Variants in LMAN2 observed in about 807,000 individuals in gnomAD.
The protein encoded by LMAN2 is lectin, mannose binding 2, also known as vesicular integral-membrane protein VIP36.
In LMAN2, 22 loss-of-function variants were observed where a neutral mutation model predicts 39.3. That is an observed-to-expected ratio of 0.56 (90% CI 0.40 to 0.80). The LOEUF is 0.80. Among genes scored for constraint, LMAN2 ranks in the 30% least tolerant of loss-of-function variants. The probability of loss-of-function intolerance (pLI) is 0.00; values close to 1 mark genes in which losing one functional copy is unlikely to be tolerated. For missense variants in LMAN2, 494 were observed against 505.4 expected, an observed-to-expected ratio of 0.98 and a Z score of 0.22; for synonymous variants, 207 against 207.8, an observed-to-expected ratio of 1.00 and a Z score of 0.03.
Position 177,349,957 on chromosome 5 carries a change from G to A in LMAN2, c.315+1216C>T, listed in dbSNP as rs192701432. Among the ~76,000 whole-genome samples, 344 of 152,324 alleles carry A rather than the reference G, an allele frequency of 2.3e-3. 2 individuals are homozygous for A. The highest frequency in any genetic ancestry group is 8.1e-3 in the African/African-American group (335 of 41,564). On this transcript the variant is annotated intron_variant, in intron 2 of 7. Transcript: ENST00000303127. ...AGGGAACAACAGGTGCAAAGGTCCT[G>A]AGGCAAGAAGGCAGCCAGGGGGGGC...
chr5:177,333,298 A>G (rs886280960), intron 7 of LMAN2, among the ~76,000 whole-genome samples: 1 of 152,248 alleles, frequency 6.6e-6, no homozygotes, highest in Admixed American at 6.5e-5. Context: ...GGCTAGGCAC[A>G]GAGGGCAGCT....
chr5:177,347,946 C>A (rs1396609996), intron 2 of LMAN2, among the ~76,000 whole-genome samples: 1 of 151,970 alleles, frequency 6.6e-6, no homozygotes, highest in Non-Finnish European at 1.5e-5. Context: ...TAGTAAGATC[C>A]CATCTATAAT....
rs147436495 is a variant in LMAN2 at position 177,332,071 on chromosome 5, C to T, written c.*15G>A. 35,631 of 1,593,786 alleles carry T rather than the reference C, an allele frequency of 0.022. 475 individuals carry two copies. Among genetic ancestry groups the T allele is most frequent in the Non-Finnish European group, 0.027 (31,623 of 1,166,170 alleles). ...GGCTCCTGGGCCCAGGGACAGGCCC[C>T]GCCGGAGGCGCCACTCAGTAGAAGC... On this transcript the variant is annotated 3_prime_UTR_variant, in exon 8 of 8. Coordinates refer to ENST00000303127, the MANE Select transcript of LMAN2 (RefSeq NM_006816.3). The surrounding 1 kb of genome is among the most constrained non-coding windows in gnomAD (Gnocchi z 6.3).
At chr5:177,349,754 G>C (rs1761694096) in intron 2 of LMAN2, among the ~76,000 whole-genome samples, 1 of 152,172 alleles carries the variant, frequency 6.6e-6, no homozygotes, top group South Asian at 2.1e-4. Flanking sequence ...ATATAAGGCT[G>C]AATTATCATT....
At chr5:177,340,793 C>T (rs1321511617) in intron 2 of LMAN2, among the ~76,000 whole-genome samples, 13 of 150,806 alleles carry the variant, frequency 8.6e-5, no homozygotes, top group African/African-American at 2.9e-4. Flanking sequence ...CTCACTCTGT[C>T]GCCCAGGCTG....
Position 177,332,334 on chromosome 5 carries a change from AGCCG to A in LMAN2, c.911-92_911-89del. 2.3e-6 allele frequency: 3 copies of A among 1,286,172 alleles called. No individual in the cohort carries two copies. Among genetic ancestry groups the A allele is most frequent in the Non-Finnish European group, 3.3e-6 (3 of 921,702 alleles). 79.7% of individuals were successfully genotyped at this position (1,286,172 alleles called of 1,614,324 possible). On this transcript the variant is annotated intron_variant, in intron 7 of 7. Transcript: ENST00000303127. This position sits in a 1 kb window ranked among gnomAD's most constrained non-coding sequence, Gnocchi z 6.3. ...GAGGGCAGTGGGGATGGAACAGGAC[AGCCG>A]GCCACGGTGGGCAGGCCGGTCGTAC...
intron 2 of LMAN2, among the ~76,000 whole-genome samples, chr5:177,343,244 A>G (rs1761584035): frequency 6.6e-6 from 1 of 152,182 alleles, no homozygotes; most frequent in South Asian, 2.1e-4. Flanking sequence ...ACAGGGCGAG[A>G]CTTCATCTCA....
At position 177,337,757 on chromosome 5, in the gene LMAN2, G is replaced by C; in HGVS notation, c.462C>G (p.Phe154Leu). 1 of 1,613,986 alleles carries C rather than the reference G, an allele frequency of 6.2e-7. No individual in the cohort carries two copies. The highest frequency in any genetic ancestry group is 8.5e-7 in the Non-Finnish European group (1 of 1,179,986). ...TGTCCAGGAAGATGGCTAAGCCGTGGAAGTTATCTTTGCTTCCAAACACAG... is the reference window on the plus strand; with the variant it reads ...TGTCCAGGAAGATGGCTAAGCCGTGCAAGTTATCTTTGCTTCCAAACACAG... The part of the protein sequence containing the change: ...PGPVFGSKDN[F>L]HGLAIFLDTY... Residue 154 changes from phenylalanine (F) to leucine (L), a missense_variant, in exon 4 of 8, where the codon TTC (phenylalanine) becomes TTG (leucine). Transcript: ENST00000303127. The surrounding 1 kb of genome is among the most constrained non-coding windows in gnomAD (Gnocchi z 8.2).
At chr5:177,346,588 T>G (rs1230246406) in intron 2 of LMAN2, among the ~76,000 whole-genome samples, 1 of 152,198 alleles carries the variant, frequency 6.6e-6, no homozygotes, top group African/African-American at 2.4e-5. Context: ...TGTATGTACC[T>G]AATTTGGCCT....
intron 2 of LMAN2, among the ~76,000 whole-genome samples, chr5:177,339,767 A>G (rs1297329616): frequency 6.6e-6 from 1 of 152,172 alleles, no homozygotes; most frequent in Non-Finnish European, 1.5e-5. Context: ...TGGGAGGGGG[A>G]TTATGGCGAC....
Position 177,351,623 on chromosome 5 carries a change from G to A in LMAN2, c.25C>T (p.Arg9Cys), listed in dbSNP as rs1340051682. ...AGGCACCGCCGGCCCCAGCCCCAAC[G>A]CCAAATCCAGCCTTCCGCCGCCATT... Reference protein sequence around the residue: MAAEGWIWRWGWGRRCLGR... With the variant: MAAEGWIWCWGWGRRCLGR... The change falls in exon 1 of 8, where the codon CGT becomes TGT. Residue 9 changes from arginine to cysteine, a missense_variant. Coordinates refer to ENST00000303127, the MANE Select transcript of LMAN2 (RefSeq NM_006816.3). 9.4e-6 allele frequency: 15 copies of A among 1,596,078 alleles called. 1 individual carries two copies. Among genetic ancestry groups the A allele is most frequent in the Admixed American group, 1.8e-5 (1 of 54,768 alleles).
In LMAN2 at chr5:177,331,707, C is replaced by T. The variant is rs760392396; in HGVS notation, c.*379G>A. On this transcript the variant is annotated 3_prime_UTR_variant, in exon 8 of 8. Coordinates refer to ENST00000303127, the MANE Select transcript of LMAN2 (RefSeq NM_006816.3). ...GTTTCCCAGTTCAGGCCTTATCCGT[C>T]GCCACACGTGCCACACACCACAAAA... 1.5e-4 allele frequency: 26 copies of T among 168,222 alleles called. No homozygotes were observed. The highest frequency in any genetic ancestry group is 3.1e-4 in the Non-Finnish European group (24 of 78,038). The allele number at this position is 168,222 out of a possible 1,614,324, so 10.4% of individuals were successfully genotyped here.
rs1170221437 is a variant in LMAN2, at chr5:177,351,195, T to C, written c.293A>G (p.Glu98Gly). The change falls in exon 2 of 8, where the codon GAG (glutamate) becomes GGG (glycine). Residue 98 changes from glutamate to glycine, a missense_variant. By Grantham distance (98) the Glu-to-Gly change is moderately conservative. Transcript: ENST00000303127. ...CACCTGGTGGTTCCAGATAGAGCCC[T>C]CTTTGCTGCGCTCGTCAGGGGTCAG... ...VRLTPDERSKEGSIWNHQPCF... is the reference protein window; with the variant it reads ...VRLTPDERSKGGSIWNHQPCF... 2 of 1,614,178 alleles carry C rather than the reference T, an allele frequency of 1.2e-6. No individual in the cohort carries two copies.
At chr5:177,335,254 G>A (rs977189737) in intron 6 of LMAN2, among the ~76,000 whole-genome samples, 1 of 152,192 alleles carries the variant, frequency 6.6e-6, no homozygotes, top group African/African-American at 2.4e-5. Context: ...GACAAGGACC[G>A]GCCCTGGAGT....
chr5:177,334,455 CGT>C, intron 6 of LMAN2, 52 bp from the exon 7 acceptor site: 1 of 1,576,954 alleles, frequency 6.3e-7, no homozygotes, highest in Non-Finnish European at 8.6e-7. Flanking sequence ...CCGCAGGGCA[CGT>C]GGCCCAAGAC....
intron 7 of LMAN2, 147 bp downstream of exon 7, chr5:177,334,137 G>A: frequency 1.5e-6 from 2 of 1,362,002 alleles, no homozygotes; most frequent in South Asian, 1.5e-5. Context: ...GGGCCAGCCA[G>A]TGCCGCTTGC....
intron 2 of LMAN2, 86 bp downstream of exon 2, chr5:177,351,087 T>C (rs1487498488): frequency 9.2e-6 from 11 of 1,190,778 alleles, no homozygotes; most frequent in Non-Finnish European, 1.3e-5. Context: ...TGCAAACCTA[T>C]AAACGAAGCT....
rs533004704 is a variant in LMAN2 at position 177,344,235 on chromosome 5, A to T, written c.316-5630T>A. ...CCCCCCCATCTCTAAAAAAAAAAAA[A>T]TTTTTTTTTAATTTTAAAAACTGGT... On this transcript the variant is annotated intron_variant, in intron 2 of 7. Coordinates refer to ENST00000303127, the MANE Select transcript of LMAN2 (RefSeq NM_006816.3). Among the ~76,000 whole-genome samples the T allele has an allele frequency of 6.9e-3, 985 of 143,200 alleles. 12 individuals are homozygous for T. The highest frequency in any genetic ancestry group is 0.024 in the African/African-American group (915 of 38,178). The allele number at this position is 143,200 out of a possible 152,430, so 93.9% of individuals were successfully genotyped here. A position where few individuals can be genotyped will look rare whatever the true frequency, so the allele number is the denominator to read the frequency against.
chr5:177,351,185 G>A lies in LMAN2; in HGVS notation c.303C>T (p.Ile101=). The stretch of plus-strand genomic sequence containing the variant: ...GAGAACCACTCACCTGGTGGTTCCA[G>A]ATAGAGCCCTCTTTGCTGCGCTCGT... ...TPDERSKEGS[I]WNHQPCFLKD... Residue 101 remains isoleucine (I), a synonymous_variant, in exon 2 of 8, where the codon ATC becomes ATT. Coordinates refer to ENST00000303127, the MANE Select transcript of LMAN2 (RefSeq NM_006816.3). 1 of 1,614,108 alleles carries A rather than the reference G, an allele frequency of 6.2e-7. No homozygotes were observed. The highest frequency in any genetic ancestry group is 8.5e-7 in the Non-Finnish European group (1 of 1,179,976).
Sources: allele counts gnomAD v4.1 joint callset (sites outside exome capture counted in the v4.1 genomes callset), GRCh38; gene constraint gnomAD v4.1.1; non-coding constraint Gnocchi (gnomAD v3.1); transcripts MANE v1.5; gene names NCBI Gene and HGNC (gene_info 2026-07-23, HGNC 2026-07-21).